DYNC2H1: variants seen among roughly 807,000 people sequenced by gnomAD.
DYNC2H1 encodes cytoplasmic dynein 2 heavy chain 1.
In DYNC2H1, 410 loss-of-function variants were observed where a neutral mutation model predicts 570.0. The ratio of observed to expected loss-of-function variants is 0.72; its 90% confidence interval spans 0.66 to 0.78. The LOEUF is 0.78. Among genes scored for constraint, DYNC2H1 ranks in the 30% least tolerant of loss-of-function variants. DYNC2H1 has a pLI of 0.00. For synonymous variants in DYNC2H1, 1,688 were observed against 1,677.6 expected (o/e 1.01, Z -0.15); for missense variants, 4,865 against 5,046.4 (o/e 0.96, Z 1.09).
At chr11:103,290,800 T>C (rs1866563530) in intron 75 of DYNC2H1, among the ~76,000 whole-genome samples, 2 of 152,170 alleles carry the variant, frequency 1.3e-5, no homozygotes, top group Non-Finnish European at 1.5e-5. Context: ...GTCTCAAGGG[T>C]TCATAATATT....
chr11:103,202,262 G>A (rs894721061), intron 50 of DYNC2H1, among the ~76,000 whole-genome samples: 2 of 142,020 alleles, frequency 1.4e-5, no homozygotes, highest in African/African-American at 5.1e-5. Flanking sequence ...TGGAGACATT[G>A]TTCATTTTGG....
intron 30 of DYNC2H1, among the ~76,000 whole-genome samples, chr11:103,164,466 T>C (rs1861218462): frequency 6.6e-6 from 1 of 152,246 alleles, no homozygotes; most frequent in Admixed American, 6.5e-5. Context: ...TTGGCTATTA[T>C]GTACTGATAA....
intron 70 of DYNC2H1, among the ~76,000 whole-genome samples, chr11:103,262,593 AC>A (rs1244067921): frequency 6.6e-6 from 1 of 152,086 alleles, no homozygotes; most frequent in Non-Finnish European, 1.5e-5. Context: ...TTCATATCTC[AC>A]CAAACTAAGC....
In DYNC2H1 at chr11:103,147,880, C is replaced by A. The variant is rs769834761; in HGVS notation, c.2811C>A (p.Ser937=). The A allele has an allele frequency of 2.1e-5, 34 of 1,596,274 alleles. No homozygotes were observed. The South Asian group carries it at 3.4e-4, about 16-fold the overall frequency. Residue 937 remains serine, a synonymous_variant, in exon 19 of 89, where the codon TCC becomes TCA. Transcript: ENST00000375735. ...FDLLVLSLKK[S]IQAHLHEIDT... is the part of the protein sequence containing the mutation. ...TGCTTGTTCTTTCTTTGAAGAAGTC[C>A]ATACAGGGTAAATACACATTTTAAT...
chr11:103,296,569 T>C (rs2135381711), intron 75 of DYNC2H1, among the ~76,000 whole-genome samples: 1 of 152,312 alleles, frequency 6.6e-6, no homozygotes, highest in East Asian at 1.9e-4. Context: ...TCATTTCCCA[T>C]CAACACATCT....
chr11:103,347,256 A>G (rs1939788738), intron 82 of DYNC2H1, among the ~76,000 whole-genome samples: 1 of 152,178 alleles, frequency 6.6e-6, no homozygotes, highest in South Asian at 2.1e-4. Flanking sequence ...CTATATTAAT[A>G]AGACTTATAA....
intron 84 of DYNC2H1, 95 bp from the exon 85 acceptor site, chr11:103,435,848 T>G: frequency 8.3e-7 from 1 of 1,209,912 alleles, no homozygotes; most frequent in Non-Finnish European, 1.2e-6. Context: ...ATATGTGAAT[T>G]ATGCCAAAAT....
chr11:103,195,800 C>T (rs549161300), intron 47 of DYNC2H1, among the ~76,000 whole-genome samples: 5 of 152,106 alleles, frequency 3.3e-5, no homozygotes, highest in Admixed American at 6.6e-5. Context: ...TTATTTAGAT[C>T]TTTGCTTTCT....
Position 103,245,705 on chromosome 11 carries a change from CT to C in DYNC2H1, c.10042+337del, listed in dbSNP as rs1186353710. On this transcript the variant is annotated intron_variant, in intron 65 of 88. Transcript: ENST00000375735. The surrounding 1 kb of genome is among the most constrained non-coding windows in gnomAD (Gnocchi z 4.5). Reference sequence around the variant, plus strand: ...CAAACAGTTTAGGCACAGTGAGCCACTTTTTTGAGTTCTGAGGATGGTGAGA... The same window carrying C: ...CAAACAGTTTAGGCACAGTGAGCCACTTTTTGAGTTCTGAGGATGGTGAGA... Among the ~76,000 whole-genome samples the C allele has an allele frequency of 6.6e-6, 1 of 152,046 alleles. No individual in the cohort carries two copies. Among genetic ancestry groups the C allele is most frequent in the African/African-American group, 2.4e-5 (1 of 41,430 alleles).
chr11:103,342,570 T>G (rs1297187649), intron 82 of DYNC2H1, among the ~76,000 whole-genome samples: 3 of 151,316 alleles, frequency 2.0e-5, no homozygotes, highest in African/African-American at 7.3e-5. Context: ...TGGCGTGATC[T>G]CGGCTCACTG....
At chr11:103,111,662 CTT>C in intron 1 of DYNC2H1, among the ~76,000 whole-genome samples, 1 of 151,866 alleles carries the variant, frequency 6.6e-6, no homozygotes, top group Non-Finnish European at 1.5e-5. Flanking sequence ...TGTATCTTGG[CTT>C]GGGTATTTGA....
At position 103,209,860 on chromosome 11, in the gene DYNC2H1, T is replaced by G; in HGVS notation, c.8455-16T>G. The G allele has an allele frequency of 6.9e-7, 1 of 1,459,308 alleles. No individual in the cohort carries two copies. Among genetic ancestry groups the G allele is most frequent in the Middle Eastern group, 1.8e-4 (1 of 5,690 alleles). The allele number at this position is 1,459,308 out of a possible 1,614,324, so 90.4% of individuals were successfully genotyped here. A position where few individuals can be genotyped will look rare whatever the true frequency, so the allele number is the denominator to read the frequency against. ...GACTTATACTCTTTCATAGTGATATTCTTTTTATGTTTTAGATACCTGAAA... is the reference window on the plus strand; with the variant it reads ...GACTTATACTCTTTCATAGTGATATGCTTTTTATGTTTTAGATACCTGAAA... On this transcript the variant is annotated splice_polypyrimidine_tract_variant and intron_variant, in intron 52 of 88. Coordinates refer to ENST00000375735, the MANE Select transcript of DYNC2H1 (RefSeq NM_001377.3). The surrounding 1 kb of genome is among the most constrained non-coding windows in gnomAD (Gnocchi z 4.2).
intron 47 of DYNC2H1, 68 bp from the exon 48 acceptor site, chr11:103,197,865 G>A: frequency 2.7e-6 from 4 of 1,474,946 alleles, no homozygotes; most frequent in South Asian, 2.6e-5. Context: ...GTTTTAGTAG[G>A]CAATGTATTT....
Position 103,109,785 on chromosome 11 carries a change from C to G in DYNC2H1, c.195+16C>G. The G allele has an allele frequency of 6.2e-7, 1 of 1,604,754 alleles. No homozygotes were observed. The highest frequency in any genetic ancestry group is 8.5e-7 in the Non-Finnish European group (1 of 1,174,380). ...TTCCAACACGGTACGGTTCCTTGCA[C>G]TCCTGCCTGACCCCTGACCACTCTT... On this transcript the variant is annotated intron_variant, in intron 1 of 88. Coordinates refer to ENST00000375735, the MANE Select transcript of DYNC2H1 (RefSeq NM_001377.3).
At position 103,479,315 on chromosome 11, in the gene DYNC2H1, C is replaced by A; in HGVS notation, c.*62C>A. On this transcript the variant is annotated 3_prime_UTR_variant, in exon 89 of 89. Coordinates refer to ENST00000375735, the MANE Select transcript of DYNC2H1 (RefSeq NM_001377.3). ...AACATTGATTCTTTAAGCTTTAAAT[C>A]AAACATGTGGTCAGTCTACATTTGA... The A allele has an allele frequency of 1.3e-6, 2 of 1,544,838 alleles. No individual in the cohort carries two copies. The highest frequency in any genetic ancestry group is 1.2e-5 in the South Asian group (1 of 80,424).
chr11:103,134,241 G>GT (rs1313396327), intron 14 of DYNC2H1, 80 bp from the exon 15 acceptor site: 1 of 1,194,132 alleles, frequency 8.4e-7, no homozygotes. Context: ...GGTTAAGGTG[G>GT]TATCTGTCAG....
At chr11:103,431,187 C>A (rs1270775442) in intron 84 of DYNC2H1, among the ~76,000 whole-genome samples, 1 of 145,660 alleles carries the variant, frequency 6.9e-6, no homozygotes, top group Non-Finnish European at 1.5e-5. Flanking sequence ...AGGGTTAGAC[C>A]TGGATTCAAC....
intron 84 of DYNC2H1, among the ~76,000 whole-genome samples, chr11:103,426,533 A>G (rs1195856447): frequency 1.3e-5 from 2 of 152,180 alleles, no homozygotes; most frequent in East Asian, 3.8e-4. Flanking sequence ...TTTTTATTTT[A>G]CCCTATACAA....
chr11:103,137,301 C>T (rs1185727795), intron 17 of DYNC2H1, among the ~76,000 whole-genome samples: 5 of 146,550 alleles, frequency 3.4e-5, no homozygotes, highest in South Asian at 2.3e-4. Flanking sequence ...AGTCGTTGCC[C>T]ATGCCTATGT....
Sources: allele counts gnomAD v4.1 joint callset (sites outside exome capture counted in the v4.1 genomes callset), GRCh38; gene constraint gnomAD v4.1.1; non-coding constraint Gnocchi (gnomAD v3.1); transcripts MANE v1.5; gene names NCBI Gene and HGNC (gene_info 2026-07-23, HGNC 2026-07-21).